IL15: variants seen among roughly 807,000 people sequenced by gnomAD.
IL15 encodes interleukin 15.
IL15 carries 11 observed loss-of-function variants against 19.6 expected under a neutral mutation model. The observed-to-expected ratio is 0.56, with a 90% confidence interval of 0.35 to 0.93. The LOEUF (loss-of-function observed/expected upper bound fraction) is 0.93, where lower values mean the gene tolerates loss of function less well. Ranked by LOEUF, IL15 falls within the 40% of genes least tolerant of loss-of-function variation. IL15 has a pLI of 0.01. For synonymous variants in IL15, 58 were observed against 59.6 expected (o/e 0.97, Z 0.12); for missense variants, 197 against 186.5 (o/e 1.06, Z -0.33).
chr4:141,724,875 A>T (rs958512633), intron 5 of IL15, among the ~76,000 whole-genome samples: 2 of 152,260 alleles, frequency 1.3e-5, no homozygotes, highest in Non-Finnish European at 2.9e-5. Context: ...ATATTTACAG[A>T]AGCATTAACA....
At chr4:141,669,629 TTTA>T (rs1383370371) in intron 2 of IL15, among the ~76,000 whole-genome samples, 1 of 152,130 alleles carries the variant, frequency 6.6e-6, no homozygotes, top group Non-Finnish European at 1.5e-5. Context: ...TGATTTTAGA[TTTA>T]TTAAGTTTGA....
intron 2 of IL15, among the ~76,000 whole-genome samples, chr4:141,689,954 G>T (rs997108604): frequency 6.6e-6 from 1 of 152,198 alleles, no homozygotes; most frequent in Non-Finnish European, 1.5e-5. Context: ...GCCCATGGAG[G>T]GGGTGGGAGG....
chr4:141,705,821 A>G (rs1357699762), intron 2 of IL15, among the ~76,000 whole-genome samples: 4 of 151,922 alleles, frequency 2.6e-5, no homozygotes, highest in Admixed American at 2.6e-4. Context: ...CTTTATTTTT[A>G]TATAATGACC....
At chr4:141,699,791 A>G (rs750393215) in intron 2 of IL15, among the ~76,000 whole-genome samples, 2 of 152,102 alleles carry the variant, frequency 1.3e-5, no homozygotes, top group Non-Finnish European at 2.9e-5. Context: ...GCTATTCTGT[A>G]TGTTTTAAGT....
chr4:141,648,672 C>T (rs1367482117), intron 1 of IL15, among the ~76,000 whole-genome samples: 1 of 152,012 alleles, frequency 6.6e-6, no homozygotes, highest in Non-Finnish European at 1.5e-5. Flanking sequence ...TCTTTAGATT[C>T]TACTCCTGAA....
intron 2 of IL15, among the ~76,000 whole-genome samples, chr4:141,714,439 C>T (rs2152187288): frequency 6.6e-6 from 1 of 152,288 alleles, no homozygotes; most frequent in African/African-American, 2.4e-5. Flanking sequence ...GCAACAACCC[C>T]CTTTCCTTCC....
At position 141,690,757 on chromosome 4, in the gene IL15, A is replaced by G. The variant is rs147723625; in HGVS notation, c.-99-28609A>G. Reference sequence around the variant, plus strand: ...ACAGCAACTTCTCCTGTCAAGAAAGACTCTCCATGACATACTCCTATTTTT... The same window carrying G: ...ACAGCAACTTCTCCTGTCAAGAAAGGCTCTCCATGACATACTCCTATTTTT... On this transcript the variant is annotated intron_variant, in intron 2 of 7. Transcript: ENST00000320650. Among the ~76,000 whole-genome samples the G allele has an allele frequency of 7.4e-4, 113 of 151,720 alleles. 3 individuals are homozygous for G. In the East Asian group the frequency reaches 0.018, roughly 24 times the overall value.
chr4:141,657,641 C>CAT (rs1207201118), intron 2 of IL15, among the ~76,000 whole-genome samples: 1 of 152,020 alleles, frequency 6.6e-6, no homozygotes, highest in African/African-American at 2.4e-5. Context: ...TAAACTCACA[C>CAT]ATTAGCCTAG....
At chr4:141,675,220 A>T (rs531069279) in intron 2 of IL15, among the ~76,000 whole-genome samples, 2 of 152,320 alleles carry the variant, frequency 1.3e-5, no homozygotes, top group Admixed American at 1.3e-4. Flanking sequence ...TAAGTGTGAC[A>T]CTATTCTGGA....
intron 1 of IL15, among the ~76,000 whole-genome samples, chr4:141,647,869 A>T (rs1450362612): frequency 6.6e-6 from 1 of 151,986 alleles, no homozygotes; most frequent in Non-Finnish European, 1.5e-5. Flanking sequence ...TAGTATCTGC[A>T]GTGTTTCACT....
intron 2 of IL15, among the ~76,000 whole-genome samples, chr4:141,667,089 C>T (rs1728013183): frequency 6.6e-6 from 1 of 152,228 alleles, no homozygotes; most frequent in Admixed American, 6.5e-5. Flanking sequence ...TGGCACATCC[C>T]ATTTACACAG....
In IL15 at chr4:141,706,627, G is replaced by C. The variant is rs550049390; in HGVS notation, c.-99-12739G>C. Among the ~76,000 whole-genome samples, 11 of 151,958 alleles carry C rather than the reference G, an allele frequency of 7.2e-5. No homozygotes were observed. The Middle Eastern group carries it at 0.01, about 141-fold the overall frequency. On this transcript the variant is annotated intron_variant, in intron 2 of 7. Transcript: ENST00000320650. ...AGTTAAGTGGTGATGAATCCCGTCAGTGTTTGTTTGTCTGGGAATGTCTTC... is the reference window on the plus strand; with the variant it reads ...AGTTAAGTGGTGATGAATCCCGTCACTGTTTGTTTGTCTGGGAATGTCTTC...
chr4:141,666,577 C>T (rs2152165069), intron 2 of IL15, among the ~76,000 whole-genome samples: 1 of 152,208 alleles, frequency 6.6e-6, no homozygotes, highest in Non-Finnish European at 1.5e-5. Flanking sequence ...ATGCTGGTCT[C>T]AAGCTATCTA....
intron 5 of IL15, among the ~76,000 whole-genome samples, chr4:141,726,763 T>C (rs1730279917): frequency 6.6e-6 from 1 of 152,072 alleles, no homozygotes; most frequent in South Asian, 2.1e-4. Flanking sequence ...AGGAACAAAC[T>C]AGTGATACCC....
intron 1 of IL15, among the ~76,000 whole-genome samples, chr4:141,639,267 A>G (rs1726963752): frequency 1.3e-5 from 2 of 152,202 alleles, no homozygotes; most frequent in South Asian, 4.1e-4. Context: ...ATTTCGTACA[A>G]TTTGACAGTG....
chr4:141,638,468 G>T (rs1345944977), intron 1 of IL15, among the ~76,000 whole-genome samples: 2 of 152,192 alleles, frequency 1.3e-5, no homozygotes, highest in Non-Finnish European at 2.9e-5. Flanking sequence ...CATACTTTTG[G>T]TTTCACTGTT....
At chr4:141,721,396 G>A (rs918484354) in intron 4 of IL15, 7 of 627,602 alleles carry the variant, frequency 1.1e-5, no homozygotes, top group African/African-American at 1.8e-5. Flanking sequence ...AATGAAGTCT[G>A]TACTGTTTAT....
chr4:141,706,432 T>C (rs1300770236), intron 2 of IL15, among the ~76,000 whole-genome samples: 1 of 152,134 alleles, frequency 6.6e-6, no homozygotes, highest in Non-Finnish European at 1.5e-5. Flanking sequence ...TAAACCTTCA[T>C]ACTAGAGGAT....
In IL15 at chr4:141,647,376, C is replaced by T. The variant is rs79632696; in HGVS notation, c.-221-8810C>T. On this transcript the variant is annotated intron_variant, in intron 1 of 7. Coordinates refer to ENST00000320650, the MANE Select transcript of IL15 (RefSeq NM_000585.5). Reference sequence around the variant, plus strand: ...AAGTGGAATAAACTACTTAAAATGTCCTGTAAGTGATTAGAAGTACTGGAT... The same window carrying T: ...AAGTGGAATAAACTACTTAAAATGTTCTGTAAGTGATTAGAAGTACTGGAT... Among the ~76,000 whole-genome samples the T allele has an allele frequency of 5.3e-3, 802 of 152,064 alleles. 9 individuals carry two copies. Among genetic ancestry groups the T allele is most frequent in the African/African-American group, 0.018 (757 of 41,494 alleles).
Sources: gnomAD v4.1 joint callset for allele counts (sites outside exome capture counted in the v4.1 genomes callset) on GRCh38, gnomAD v4.1.1 for gene constraint, MANE v1.5 for transcripts, NCBI Gene and HGNC (gene_info 2026-07-23, HGNC 2026-07-21) for gene names.